DNAJC13: variants seen among roughly 807,000 people sequenced by gnomAD.
The protein encoded by DNAJC13 is DnaJ heat shock protein family (Hsp40) member C13, also known as dnaJ homolog subfamily C member 13.
In DNAJC13, 75 loss-of-function variants were observed where a neutral mutation model predicts 290.5. The ratio of observed to expected loss-of-function variants is 0.26; its 90% CI spans 0.21 to 0.31. The LOEUF is 0.31. DNAJC13 is among the 10% of genes least tolerant of loss of function. The pLI, the probability that DNAJC13 is intolerant of heterozygous loss-of-function variation, is 1.00. For synonymous variants in DNAJC13, 862 were observed against 892.0 expected, an observed-to-expected ratio of 0.97 and a Z score of 0.60; for missense variants, 2,260 against 2,674.5, an observed-to-expected ratio of 0.85 and a Z score of 3.42.
Position 132,513,099 on chromosome 3 carries a change from G to A in DNAJC13, c.5385G>A (p.Glu1795=). The change falls in exon 45 of 56, where the codon GAG becomes GAA. Residue 1795 remains glutamate (E), a splice_region_variant and synonymous_variant. Coordinates refer to ENST00000260818, the MANE Select transcript of DNAJC13 (RefSeq NM_015268.4). ...GTCAAGTGCAGCAGTTGGCTTTAGA[G>A]GTAAAAGCGTTTTGTACTAAAGCGT... ...GAGQVQQLAL[E]VVNIVTSNQD... is the part of the protein sequence containing the mutation. The A allele has an allele frequency of 6.2e-7, 1 of 1,612,558 alleles. No homozygotes were observed. The highest frequency in any genetic ancestry group is 8.5e-7 in the Non-Finnish European group (1 of 1,178,840).
chr3:132,460,157 G>A, intron 13 of DNAJC13, 93 bp from the exon 14 acceptor site: 1 of 716,854 alleles, frequency 1.4e-6, no homozygotes, highest in South Asian at 2.5e-5. Context: ...TTCTTTCAAT[G>A]TGTAATGAAT....
chr3:132,501,106 A>G (rs1215646332), intron 39 of DNAJC13, among the ~76,000 whole-genome samples, 193 bp downstream of exon 39: 1 of 152,238 alleles, frequency 6.6e-6, no homozygotes, highest in Non-Finnish European at 1.5e-5. Context: ...CCTACAAAGA[A>G]AAAGACTAAA....
In DNAJC13 at chr3:132,463,699, G is replaced by A. The variant is rs1231448254; in HGVS notation, c.1774G>A (p.Gly592Ser). Reference sequence around the variant, plus strand: ...TCATCTTACCCTTTTTCCAAAGGAAGGTGATAAAGAAATTGCTACAAAAAT... The same window carrying A: ...TCATCTTACCCTTTTTCCAAAGGAAAGTGATAAAGAAATTGCTACAAAAAT... ...GLVMKAIIEEGDKEIATKMQE... is the reference protein window; with the variant it reads ...GLVMKAIIEESDKEIATKMQE... The change falls in exon 17 of 56, where the codon GGT becomes AGT. Residue 592 changes from glycine to serine, a missense_variant. Coordinates refer to ENST00000260818, the MANE Select transcript of DNAJC13 (RefSeq NM_015268.4). The A allele has an allele frequency of 1.2e-6, 2 of 1,611,334 alleles. No individual in the cohort carries two copies. Among genetic ancestry groups the A allele is most frequent in the Non-Finnish European group, 1.7e-6 (2 of 1,178,620 alleles).
chr3:132,500,685 A>G, intron 38 of DNAJC13, 109 bp from the exon 39 acceptor site: 1 of 1,416,242 alleles, frequency 7.1e-7, no homozygotes, highest in Admixed American at 1.9e-5. Context: ...AACATTGTAT[A>G]TACCATTAAG....
rs141357577 is a variant in DNAJC13 at position 132,449,142 on chromosome 3, A to G, written c.336+1203A>G. Among the ~76,000 whole-genome samples the G allele has an allele frequency of 1.1e-4, 16 of 152,288 alleles. No individual in the cohort carries two copies. In the East Asian group the frequency reaches 2.9e-3, roughly 28 times the overall value. On this transcript the variant is annotated intron_variant, in intron 5 of 55. Coordinates refer to ENST00000260818, the MANE Select transcript of DNAJC13 (RefSeq NM_015268.4). ...CTCAAAGTGACACCTGTATTGTCCT[A>G]ATAACAAGTTTAGATTCCACCCCAA...
intron 20 of DNAJC13, among the ~76,000 whole-genome samples, chr3:132,470,737 C>G (rs1934194722): frequency 9.6e-6 from 1 of 103,818 alleles, no homozygotes; most frequent in African/African-American, 4.2e-5. Flanking sequence ...CCAGTAGGGG[C>G]GGCCGGGCAG....
chr3:132,536,577 A>C (rs1398472995), intron 55 of DNAJC13, among the ~76,000 whole-genome samples: 1 of 152,200 alleles, frequency 6.6e-6, no homozygotes, highest in African/African-American at 2.4e-5. Flanking sequence ...ATTGCTCAGA[A>C]ACTACACAGT....
At chr3:132,498,003 A>G (rs1192146082) in intron 36 of DNAJC13, among the ~76,000 whole-genome samples, 1 of 152,138 alleles carries the variant, frequency 6.6e-6, no homozygotes, top group Non-Finnish European at 1.5e-5. Context: ...TTATAGAGAT[A>G]CTTTTAAAGT....
intron 31 of DNAJC13, 32 bp downstream of exon 31, chr3:132,489,053 C>T (rs1378044245): frequency 1.3e-6 from 2 of 1,584,684 alleles, no homozygotes; most frequent in Non-Finnish European, 1.7e-6. Flanking sequence ...AATACTTAAC[C>T]CTGGGTAAGC....
chr3:132,462,939 A>G (rs562808398), intron 16 of DNAJC13, among the ~76,000 whole-genome samples: 88 of 152,326 alleles, frequency 5.8e-4, no homozygotes, highest in Non-Finnish European at 1.1e-3. Flanking sequence ...GATAAAGCAT[A>G]TTTGTAATTG....
In DNAJC13 at chr3:132,499,232, G is replaced by T; in HGVS notation, c.4263G>T (p.Ala1421=). ...CAAAAGAATCACCATTGTTGCCTGC[G>T]GCTACAGAGCTAGCTTTCCATACTG... ...LFSKESPLLP[A]ATELAFHTVN... Residue 1421 remains alanine (A), a synonymous_variant, in exon 37 of 56, where the codon GCG becomes GCT. Coordinates refer to ENST00000260818, the MANE Select transcript of DNAJC13 (RefSeq NM_015268.4). 6.2e-7 allele frequency: 1 copy of T among 1,614,030 alleles called. No individual in the cohort carries two copies. Among genetic ancestry groups the T allele is most frequent in the Non-Finnish European group, 8.5e-7 (1 of 1,179,968 alleles).
intron 43 of DNAJC13, 141 bp downstream of exon 43, chr3:132,507,494 A>G (rs1426654149): frequency 7.9e-6 from 5 of 635,972 alleles, no homozygotes; most frequent in African/African-American, 1.9e-5. Flanking sequence ...TTAACAAATC[A>G]AAGGTTTTTG....
intron 27 of DNAJC13, among the ~76,000 whole-genome samples, chr3:132,483,047 T>C (rs1934731496): frequency 6.6e-6 from 1 of 152,190 alleles, no homozygotes; most frequent in Non-Finnish European, 1.5e-5. Flanking sequence ...CCTCCCAGGC[T>C]CATTTCGAAT....
In DNAJC13 at chr3:132,499,274, C is replaced by T. The variant is rs115421646; in HGVS notation, c.4305C>T (p.Leu1435=). 403 of 1,613,208 alleles carry T rather than the reference C, an allele frequency of 2.5e-4. 1 individual carries two copies. The African/African-American group carries it at 4.9e-3, about 20-fold the overall frequency. ...TCCATACTGTCAACTGTTCAGCCCT[C>T]AATGCTGAAGAGCTCAGAAGAGAGA... is the stretch of plus-strand genomic sequence containing the variant. The part of the protein sequence containing the change: ...LAFHTVNCSA[L]NAEELRRENG... Residue 1435 remains leucine (L), a synonymous_variant, in exon 37 of 56, where the codon CTC becomes CTT. Coordinates refer to ENST00000260818, the MANE Select transcript of DNAJC13 (RefSeq NM_015268.4).
At chr3:132,430,313 A>T (rs1007764575) in intron 1 of DNAJC13, among the ~76,000 whole-genome samples, 1 of 151,850 alleles carries the variant, frequency 6.6e-6, no homozygotes, top group Admixed American at 6.6e-5. Context: ...TTTATTTTTT[A>T]AATTATTTAA....
At chr3:132,495,313 A>C in intron 35 of DNAJC13, 147 bp downstream of exon 35, 1 of 579,040 alleles carries the variant, frequency 1.7e-6, no homozygotes, top group East Asian at 3.0e-5. Flanking sequence ...CCACATGCCC[A>C]TAGTTTCTGC....
intron 33 of DNAJC13, among the ~76,000 whole-genome samples, chr3:132,493,201 T>C (rs535211478): frequency 2.0e-5 from 3 of 152,174 alleles, no homozygotes; most frequent in Admixed American, 2.0e-4. Flanking sequence ...ATATACACTG[T>C]TGGCCTGTCC....
At position 132,467,207 on chromosome 3, in the gene DNAJC13, A is replaced by G; in HGVS notation, c.2102A>G (p.Gln701Arg). Residue 701 changes from glutamine to arginine, a missense_variant, in exon 20 of 56, where the codon CAA (glutamine) becomes CGA (arginine). Gln to Arg is a conservative substitution (Grantham distance 43). Transcript: ENST00000260818. ...YGKFNKVPEW[Q>R]RLAGKAAKEV... ...AAATTTAATAAAGTTCCAGAGTGGC[A>G]AAGACTAGCTGGAAAAGCTGCTAAA... 1 of 1,613,866 alleles carries G rather than the reference A, an allele frequency of 6.2e-7. No homozygotes were observed. The highest frequency in any genetic ancestry group is 8.5e-7 in the Non-Finnish European group (1 of 1,179,872).
rs1938831959 is a variant in DNAJC13 at position 132,417,772 on chromosome 3, T to G, written c.-14+12T>G. On this transcript the variant is annotated intron_variant, in intron 1 of 55. Coordinates refer to ENST00000260818, the MANE Select transcript of DNAJC13 (RefSeq NM_015268.4). ...AGCCTCCCGCGAAGGTAAAGCCGACTCCGGGCACTGGGCTCTGGGGCTCTG... is the reference window on the plus strand; with the variant it reads ...AGCCTCCCGCGAAGGTAAAGCCGACGCCGGGCACTGGGCTCTGGGGCTCTG... 6.5e-6 allele frequency: 1 copy of G among 152,674 alleles called. No individual in the cohort carries two copies. Among genetic ancestry groups the G allele is most frequent in the Admixed American group, 6.5e-5 (1 of 15,292 alleles). The allele number at this position is 152,674 out of a possible 1,614,324, so 9.5% of individuals were successfully genotyped here. A position where few individuals can be genotyped will look rare whatever the true frequency, so the allele number is the denominator to read the frequency against.
Sources: allele counts gnomAD v4.1 joint callset (sites outside exome capture counted in the v4.1 genomes callset), GRCh38; gene constraint gnomAD v4.1.1; transcripts MANE v1.5; gene names NCBI Gene and HGNC (gene_info 2026-07-23, HGNC 2026-07-21).